FMNL2: variants seen among roughly 807,000 people sequenced by gnomAD.
The protein encoded by FMNL2 is formin-like protein 2.
Under a neutral mutation model 130.2 loss-of-function variants are expected in FMNL2, and 51 were observed. That is an observed-to-expected ratio of 0.39 (90% confidence interval 0.31 to 0.49). FMNL2 has a LOEUF of 0.49. FMNL2 is among the 20% of genes least tolerant of loss of function. FMNL2 has a pLI of 0.85. For missense variants in FMNL2, 977 were observed against 1,316.2 expected, an observed-to-expected ratio of 0.74 and a Z score of 3.99; for synonymous variants, 465 against 467.1, an observed-to-expected ratio of 1.00 and a Z score of 0.06.
At chr2:152,505,867 C>T (rs909589743) in intron 1 of FMNL2, among the ~76,000 whole-genome samples, 4 of 152,160 alleles carry the variant, frequency 2.6e-5, no homozygotes, top group Admixed American at 2.6e-4. Context: ...TAAATCAGGG[C>T]GGCCATATAA....
At chr2:152,539,456 T>C (rs1694183023) in intron 2 of FMNL2, 1 of 152,272 alleles carries the variant, frequency 6.6e-6, no homozygotes, top group Non-Finnish European at 1.5e-5. Context: ...AAAGAGGAGA[T>C]GGGCAGACTA....
In FMNL2 at chr2:152,647,980, T is replaced by C; in HGVS notation, c.*75T>C. ...CACATGAACTTTATGTGCTACGATT[T>C]AACTGCAGCCTTGAACACACACAAA... On this transcript the variant is annotated 3_prime_UTR_variant, in exon 26 of 26. Coordinates refer to ENST00000288670, the MANE Select transcript of FMNL2 (RefSeq NM_052905.4). The C allele has an allele frequency of 3.3e-6, 4 of 1,224,146 alleles. No homozygotes were observed. The highest frequency in any genetic ancestry group is 4.6e-6 in the Non-Finnish European group (4 of 866,610). The allele number at this position is 1,224,146 out of a possible 1,614,324, so 75.8% of individuals were successfully genotyped here.
rs1227499513 is a variant in FMNL2, at chr2:152,404,017, G to A, written c.117+68297G>A. The stretch of plus-strand genomic sequence containing the variant: ...CAGGAGGCAGAGGTTGCAGTGAGCC[G>A]AGATCACGCCACTGCACTGCAGCCT... On this transcript the variant is annotated intron_variant, in intron 1 of 25. Transcript: ENST00000288670. Among the ~76,000 whole-genome samples the A allele has an allele frequency of 3.3e-5, 5 of 152,300 alleles. No individual in the cohort carries two copies. In the South Asian group the frequency reaches 8.3e-4, roughly 25 times the overall value.
At chr2:152,546,725 A>T (rs1265819980) in intron 3 of FMNL2, among the ~76,000 whole-genome samples, 1 of 152,124 alleles carries the variant, frequency 6.6e-6, no homozygotes, top group Non-Finnish European at 1.5e-5. Context: ...GGGAGTGGCC[A>T]CACTGAGCAG....
chr2:152,593,902 T>TGTGTGTGTGTGTGTGA (rs1296082394), intron 9 of FMNL2, among the ~76,000 whole-genome samples: 1 of 81,568 alleles, frequency 1.2e-5, no homozygotes, highest in East Asian at 3.8e-4. Flanking sequence ...TGTGTGTGTG[T>TGTGTGTGTGTGTGTGA]GAGAGAGAGA....
At chr2:152,346,267 C>T (rs1356455625) in intron 1 of FMNL2, among the ~76,000 whole-genome samples, 2 of 152,064 alleles carry the variant, frequency 1.3e-5, no homozygotes, top group East Asian at 1.9e-4. Context: ...TCAGGTGATC[C>T]GCCCACCCCA....
intron 9 of FMNL2, among the ~76,000 whole-genome samples, chr2:152,599,807 G>T (rs557353611): frequency 5.9e-5 from 9 of 152,214 alleles, no homozygotes; most frequent in Non-Finnish European, 8.8e-5. Context: ...TTGTTTTAGC[G>T]GAGTGAGATA....
intron 10 of FMNL2, among the ~76,000 whole-genome samples, chr2:152,610,582 C>T (rs1254394203): frequency 5.9e-5 from 9 of 152,184 alleles, no homozygotes; most frequent in East Asian, 1.9e-4. Flanking sequence ...GGGTTTTTAT[C>T]ATTTAACATG....
At chr2:152,362,981 G>A (rs375163693) in intron 1 of FMNL2, among the ~76,000 whole-genome samples, 10 of 152,272 alleles carry the variant, frequency 6.6e-5, no homozygotes, top group African/African-American at 2.2e-4. Context: ...GTCCATAACA[G>A]GCAAAACTAT....
At chr2:152,524,887 G>A (rs1433477675) in intron 2 of FMNL2, among the ~76,000 whole-genome samples, 1 of 152,148 alleles carries the variant, frequency 6.6e-6, no homozygotes, top group Non-Finnish European at 1.5e-5. Flanking sequence ...TAGAAGGGCT[G>A]TTAGAGACCA....
chr2:152,547,563 G>T (rs1397525889), intron 3 of FMNL2, among the ~76,000 whole-genome samples: 1 of 152,158 alleles, frequency 6.6e-6, no homozygotes, highest in Non-Finnish European at 1.5e-5. Flanking sequence ...GAAGCCAGGG[G>T]CTTTCAGAAG....
intron 1 of FMNL2, among the ~76,000 whole-genome samples, chr2:152,440,809 G>A (rs1688011533): frequency 6.6e-6 from 1 of 152,178 alleles, no homozygotes; most frequent in Non-Finnish European, 1.5e-5. Context: ...TCAAAATGAG[G>A]GAGGACTTTT....
At position 152,509,737 on chromosome 2, in the gene FMNL2, C is replaced by CTTTTTTTTTTTTTTTT. The variant is rs138976882; in HGVS notation, c.118-12195_118-12180dup. Among the ~76,000 whole-genome samples, 49 of 58,684 alleles carry CTTTTTTTTTTTTTTTT rather than the reference C, an allele frequency of 8.3e-4. 17 individuals are homozygous for CTTTTTTTTTTTTTTTT. The highest frequency in any genetic ancestry group is 2.7e-3 in the African/African-American group (38 of 14,034). The allele number at this position is 58,684 out of a possible 152,430, so 38.5% of individuals were successfully genotyped here. On this transcript the variant is annotated intron_variant, in intron 1 of 25. Transcript: ENST00000288670. Reference sequence around the variant, plus strand: ...GAGAAGGTATATCTGTACTCTGGACCTTTTTTTTTTTTTTTTTTTTTTTTT... The same window carrying CTTTTTTTTTTTTTTTT: ...GAGAAGGTATATCTGTACTCTGGACCTTTTTTTTTTTTTTTTTTTTTTTTTTTTTTTTTTTTTTTTT...
At chr2:152,357,084 A>G (rs1246023373) in intron 1 of FMNL2, among the ~76,000 whole-genome samples, 2 of 106,604 alleles carry the variant, frequency 1.9e-5, no homozygotes, top group African/African-American at 8.2e-5. Flanking sequence ...ATATCACGAT[A>G]AATATTACAT....
chr2:152,640,965 T>C (rs940701535), intron 25 of FMNL2, 51 bp downstream of exon 25: 4 of 1,603,904 alleles, frequency 2.5e-6, no homozygotes, highest in Non-Finnish European at 3.4e-6. Flanking sequence ...TGGCCTCACC[T>C]AGACTGGGAT....
chr2:152,503,910 C>A (rs1691999284), intron 1 of FMNL2, among the ~76,000 whole-genome samples: 1 of 152,198 alleles, frequency 6.6e-6, no homozygotes, highest in Non-Finnish European at 1.5e-5. Context: ...AACAATCAAG[C>A]TGGGCATTGT....
intron 1 of FMNL2, among the ~76,000 whole-genome samples, chr2:152,516,313 G>GA (rs1692765478): frequency 6.6e-6 from 1 of 152,076 alleles, no homozygotes; most frequent in African/African-American, 2.4e-5. Context: ...TACCATAACT[G>GA]AAAAATTTTT....
intron 9 of FMNL2, among the ~76,000 whole-genome samples, chr2:152,588,579 G>A (rs544188144): frequency 9.5e-4 from 144 of 152,208 alleles, no homozygotes; most frequent in African/African-American, 3.4e-3. Context: ...ACATCCTGGC[G>A]GGTAGGAGGA....
intron 1 of FMNL2, among the ~76,000 whole-genome samples, chr2:152,366,436 A>G (rs12622247): frequency 0.11 from 15,390 of 145,702 alleles, 2,137 homozygotes; most frequent in East Asian, 0.68. Context: ...CTTAAAGTAT[A>G]ATAATAATAA....
Sources: allele counts gnomAD v4.1 joint callset (sites outside exome capture counted in the v4.1 genomes callset), GRCh38; gene constraint gnomAD v4.1.1; transcripts MANE v1.5; gene names NCBI Gene and HGNC (gene_info 2026-07-23, HGNC 2026-07-21).